Variants in SUGCT observed in about 807,000 individuals in gnomAD.
The protein encoded by SUGCT is succinyl-CoA:glutarate CoA-transferase.
Under a neutral mutation model 55.0 loss-of-function variants are expected in SUGCT, and 41 were observed. The observed-to-expected ratio is 0.74, with a 90% confidence interval of 0.58 to 0.97. The LOEUF (loss-of-function observed/expected upper bound fraction) is 0.97, where lower values mean the gene tolerates loss of function less well. Ranked by LOEUF, SUGCT falls within the 50% of genes least tolerant of loss-of-function variation. The probability of loss-of-function intolerance (pLI) is 0.00; values close to 1 mark genes in which losing one functional copy is unlikely to be tolerated. For synonymous variants in SUGCT, 187 were observed against 200.4 expected (o/e 0.93, Z 0.56); for missense variants, 568 against 547.8 (o/e 1.04, Z -0.37).
At chr7:40,862,595 C>T (rs111451418), downstream of SUGCT, among the ~76,000 whole-genome samples, 355 of 152,276 alleles carry the variant, frequency 2.3e-3, no homozygotes, top group African/African-American at 8.0e-3. Context: ...ACCATATGCT[C>T]AAGTTCAGTT....
At chr7:40,581,823 A>G (rs1797110653) in intron 12 of SUGCT, among the ~76,000 whole-genome samples, 1 of 152,222 alleles carries the variant, frequency 6.6e-6, no homozygotes, top group Admixed American at 6.5e-5. Context: ...CCACCTGGAA[A>G]GTGACCAGAG....
intron 12 of SUGCT, among the ~76,000 whole-genome samples, chr7:40,564,932 C>T (rs1171950599): frequency 2.0e-5 from 3 of 152,230 alleles, no homozygotes; most frequent in Non-Finnish European, 2.9e-5. Context: ...GTAAAAATCA[C>T]TTGCTAACTA....
At chr7:40,365,819 C>A (rs141175894) in intron 9 of SUGCT, among the ~76,000 whole-genome samples, 3 of 152,114 alleles carry the variant, frequency 2.0e-5, no homozygotes, top group African/African-American at 4.8e-5. Context: ...AATCAATATC[C>A]TGAAAATGGC....
At chr7:40,287,916 A>G (rs1452418967) in intron 8 of SUGCT, among the ~76,000 whole-genome samples, 6 of 152,114 alleles carry the variant, frequency 3.9e-5, no homozygotes, top group Admixed American at 3.9e-4. Context: ...TATTGACATG[A>G]TGATTTGTTT....
At position 40,294,704 on chromosome 7, in the gene SUGCT, G is replaced by A. The variant is rs894699346; in HGVS notation, c.720+20048G>A. Among the ~76,000 whole-genome samples, 8 of 151,964 alleles carry A rather than the reference G, an allele frequency of 5.3e-5. No individual in the cohort carries two copies. The South Asian group carries it at 6.2e-4, about 12-fold the overall frequency. ...TGGGATTACAGGTGCCCACCACCAC[G>A]CCCGGCTAGTTTTTGTACTTTTAGT... On this transcript the variant is annotated intron_variant, in intron 8 of 13. Coordinates refer to ENST00000335693, the MANE Select transcript of SUGCT (RefSeq NM_001193313.2).
rs543539893 is a variant in SUGCT, at chr7:40,704,416, C to T, written c.1090-45018C>T. Among the ~76,000 whole-genome samples, 632 of 152,108 alleles carry T rather than the reference C, an allele frequency of 4.2e-3. 6 individuals are homozygous for T. The highest frequency in any genetic ancestry group is 6.8e-3 in the Middle Eastern group (2 of 294). On this transcript the variant is annotated intron_variant, in intron 12 of 13. Coordinates refer to ENST00000335693, the MANE Select transcript of SUGCT (RefSeq NM_001193313.2). ...TTACCTAACCAAGTGGACAATAAGA[C>T]CCATATTAGAAGGGAGGTGGGGGTG...
chr7:40,854,474 TTCTC>T (rs754032485), intron 13 of SUGCT, among the ~76,000 whole-genome samples: 1 of 135,330 alleles, frequency 7.4e-6, no homozygotes, highest in Non-Finnish European at 1.6e-5. Flanking sequence ...CTTTCTTTCT[TTCTC>T]TTTCTCTCTT....
At chr7:40,388,330 C>T (rs1022139756) in intron 9 of SUGCT, among the ~76,000 whole-genome samples, 2 of 152,110 alleles carry the variant, frequency 1.3e-5, no homozygotes, top group Admixed American at 6.6e-5. Context: ...AATGAACAGG[C>T]TTATAATATA....
At chr7:41,010,355 A>G in the SUGCT span, among the ~76,000 whole-genome samples, 2 of 152,212 alleles carry the variant, frequency 1.3e-5, no homozygotes, top group Non-Finnish European at 2.9e-5. Flanking sequence ...GCAGACATTG[A>G]GGTGAAGTAG....
chr7:40,382,150 A>G (rs973833121), intron 9 of SUGCT, among the ~76,000 whole-genome samples: 1 of 152,002 alleles, frequency 6.6e-6, no homozygotes, highest in Non-Finnish European at 1.5e-5. Context: ...TAGTACATTC[A>G]TTTTCATATG....
the SUGCT span, among the ~76,000 whole-genome samples, chr7:41,030,405 C>G: frequency 6.6e-6 from 1 of 152,040 alleles, no homozygotes; most frequent in Admixed American, 6.6e-5. Flanking sequence ...TTCATTTAAC[C>G]CTTCTGATTT....
chr7:40,156,005 C>T (rs756316196), intron 1 of SUGCT, among the ~76,000 whole-genome samples: 54 of 151,942 alleles, frequency 3.6e-4, no homozygotes, highest in Middle Eastern at 3.2e-3. Flanking sequence ...CACAGGTGTA[C>T]GCCACCATGC....
the SUGCT span, among the ~76,000 whole-genome samples, chr7:41,021,363 T>C: frequency 2.6e-5 from 4 of 152,222 alleles, no homozygotes; most frequent in South Asian, 8.3e-4. Flanking sequence ...TTTTTCCTTA[T>C]ATATGTTTTT....
rs35953725 is a variant in SUGCT, at chr7:40,824,208, C to CAA, written c.1154-36098_1154-36097dup. ...CAGAGGGCAAACCATATTCCTTGCT[C>CAA]AAAAAAAAAAACAAAAAACAAAACT... On this transcript the variant is annotated intron_variant, in intron 13 of 13. Transcript: ENST00000335693. Among the ~76,000 whole-genome samples the CAA allele has an allele frequency of 3.2e-3, 446 of 140,958 alleles. 6 individuals carry two copies. Among genetic ancestry groups the CAA allele is most frequent in the East Asian group, 3.8e-3 (19 of 4,970 alleles). The allele number at this position is 140,958 out of a possible 152,430, so 92.5% of individuals were successfully genotyped here. A position where few individuals can be genotyped will look rare whatever the true frequency, so the allele number is the denominator to read the frequency against.
At chr7:40,790,128 T>C (rs1346409504) in intron 13 of SUGCT, among the ~76,000 whole-genome samples, 2 of 152,220 alleles carry the variant, frequency 1.3e-5, no homozygotes, top group Admixed American at 1.3e-4. Context: ...CATTTTGAAT[T>C]AATCGTAGTT....
intron 12 of SUGCT, among the ~76,000 whole-genome samples, chr7:40,653,303 G>T (rs1800866547): frequency 1.3e-5 from 2 of 151,632 alleles, no homozygotes; most frequent in African/African-American, 4.8e-5. Flanking sequence ...TTTTTCTTCT[G>T]GTAAAATAAA....
intron 1 of SUGCT, among the ~76,000 whole-genome samples, chr7:40,163,031 T>G (rs1324694257): frequency 1.3e-5 from 2 of 152,200 alleles, no homozygotes; most frequent in African/African-American, 4.8e-5. Context: ...TATTTGAAAT[T>G]TGTGGGCTCT....
At chr7:40,830,297 G>A (rs1434084163) in intron 13 of SUGCT, among the ~76,000 whole-genome samples, 1 of 152,142 alleles carries the variant, frequency 6.6e-6, no homozygotes, top group African/African-American at 2.4e-5. Context: ...GTACCTAGAA[G>A]TTAGGAGAAA....
the SUGCT span, among the ~76,000 whole-genome samples, chr7:40,877,365 T>C: frequency 6.6e-6 from 1 of 152,250 alleles, no homozygotes; most frequent in Non-Finnish European, 1.5e-5. Context: ...TAGTCATGGG[T>C]TCTATACATT....
Sources: allele counts gnomAD v4.1 joint callset (sites outside exome capture counted in the v4.1 genomes callset), GRCh38; gene constraint gnomAD v4.1.1; transcripts MANE v1.5; gene names NCBI Gene and HGNC (gene_info 2026-07-23, HGNC 2026-07-21).